KCNAB1: variants seen among roughly 807,000 people sequenced by gnomAD.
KCNAB1 encodes potassium voltage-gated channel subfamily A regulatory beta subunit 1, also known as voltage-gated potassium channel subunit beta-1.
A neutral mutation model predicts 64.6 loss-of-function variants in KCNAB1; 35 were observed. That is an observed-to-expected ratio of 0.54 (90% confidence interval 0.41 to 0.72). The LOEUF (loss-of-function observed/expected upper bound fraction) is 0.72, where lower values mean the gene tolerates loss of function less well. Among genes scored for constraint, KCNAB1 ranks in the 30% least tolerant of loss-of-function variants. The probability of loss-of-function intolerance (pLI) is 0.00; values close to 1 mark genes in which losing one functional copy is unlikely to be tolerated. For missense variants in KCNAB1, 401 were observed against 512.9 expected (o/e 0.78, Z 2.11); for synonymous variants, 177 against 183.8 (o/e 0.96, Z 0.30).
chr3:156,233,461 G>A (rs1253883180), intron 1 of KCNAB1, among the ~76,000 whole-genome samples: 1 of 152,184 alleles, frequency 6.6e-6, no homozygotes, highest in Non-Finnish European at 1.5e-5. Flanking sequence ...GGGTGAGGCT[G>A]GAGGGAGAGG....
intron 1 of KCNAB1, among the ~76,000 whole-genome samples, chr3:156,128,645 T>G: frequency 6.6e-6 from 1 of 152,202 alleles, no homozygotes; most frequent in East Asian, 1.9e-4. Flanking sequence ...ATGTGCCTGA[T>G]CATCTAGGCC....
At chr3:156,233,379 T>C (rs552972504) in intron 1 of KCNAB1, among the ~76,000 whole-genome samples, 1 of 151,842 alleles carries the variant, frequency 6.6e-6, no homozygotes, top group East Asian at 1.9e-4. Flanking sequence ...CCAAAGGAGA[T>C]AGGAAACAAG....
chr3:156,356,436 C>G (rs1725247481), intron 1 of KCNAB1, among the ~76,000 whole-genome samples: 1 of 151,728 alleles, frequency 6.6e-6, no homozygotes, highest in Admixed American at 6.6e-5. Context: ...TCTTTGACCT[C>G]TACGGGGGCA....
In KCNAB1 at chr3:156,328,287, C is replaced by A. The variant is rs78603141; in HGVS notation, c.276-93329C>A. Among the ~76,000 whole-genome samples, 838 of 152,156 alleles carry A rather than the reference C, an allele frequency of 5.5e-3. 10 individuals carry two copies. The highest frequency in any genetic ancestry group is 0.019 in the African/African-American group (801 of 41,500). ...AAGAGTTTGGGCTCTATTCTACAGG[C>A]CGTGATGAGCTGTGAAATGTTTTTG... On this transcript the variant is annotated intron_variant, in intron 1 of 13. Transcript: ENST00000490337.
chr3:156,191,622 T>TA (rs1257629495), intron 1 of KCNAB1, among the ~76,000 whole-genome samples: 1 of 152,336 alleles, frequency 6.6e-6, no homozygotes, highest in Non-Finnish European at 1.5e-5. Flanking sequence ...CCCGGGTTCT[T>TA]ACAGCTATTG....
chr3:156,394,690 T>C (rs1713297593), intron 1 of KCNAB1, among the ~76,000 whole-genome samples: 1 of 152,224 alleles, frequency 6.6e-6, no homozygotes, highest in Non-Finnish European at 1.5e-5. Context: ...CATGTTACCC[T>C]CAGCACATGT....
intron 1 of KCNAB1, among the ~76,000 whole-genome samples, chr3:156,166,820 C>T (rs1711601047): frequency 6.6e-6 from 1 of 152,166 alleles, no homozygotes; most frequent in South Asian, 2.1e-4. Flanking sequence ...ATTTAAGCAT[C>T]TCCCCTTCTA....
At chr3:156,390,728 G>A (rs1343281228) in intron 1 of KCNAB1, among the ~76,000 whole-genome samples, 2 of 151,652 alleles carry the variant, frequency 1.3e-5, no homozygotes, top group Non-Finnish European at 2.9e-5. Flanking sequence ...GACTACAGGC[G>A]CCTGCTACCA....
intron 1 of KCNAB1, among the ~76,000 whole-genome samples, chr3:156,143,583 T>TTTTTTTTG (rs1714857784): frequency 7.1e-6 from 1 of 141,206 alleles, no homozygotes; most frequent in African/African-American, 2.6e-5. Context: ...TTTTTTTTTT[T>TTTTTTTTG]TTTTTTTTTT....
At chr3:156,240,171 A>G (rs962062052) in intron 1 of KCNAB1, among the ~76,000 whole-genome samples, 1 of 152,248 alleles carries the variant, frequency 6.6e-6, no homozygotes, top group African/African-American at 2.4e-5. Flanking sequence ...CTTGGGGTTA[A>G]GGAGTTACAG....
At chr3:156,449,547 A>G (rs190864791) in intron 2 of KCNAB1, among the ~76,000 whole-genome samples, 112 of 152,356 alleles carry the variant, frequency 7.4e-4, no homozygotes, top group Middle Eastern at 6.8e-3. Context: ...CCGTTTTTGC[A>G]TTACAGTTTG....
At chr3:156,162,665 G>T (rs953313374) in intron 1 of KCNAB1, among the ~76,000 whole-genome samples, 9 of 152,082 alleles carry the variant, frequency 5.9e-5, no homozygotes, top group African/African-American at 2.2e-4. Flanking sequence ...TGAAAGTGAG[G>T]CGATTTGCCA....
chr3:156,118,915 G>A (rs929079498), upstream of KCNAB1, among the ~76,000 whole-genome samples: 1 of 152,258 alleles, frequency 6.6e-6, no homozygotes, highest in African/African-American at 2.4e-5. Context: ...AGCAAAGAGA[G>A]TAGTTGAAGA....
intron 1 of KCNAB1, among the ~76,000 whole-genome samples, chr3:156,406,626 C>T (rs1714266089): frequency 6.6e-6 from 1 of 152,342 alleles, no homozygotes; most frequent in Non-Finnish European, 1.5e-5. Flanking sequence ...TCTCCCCTTT[C>T]TTTCCCCACC....
At chr3:156,331,661 G>A (rs1404059738) in intron 1 of KCNAB1, among the ~76,000 whole-genome samples, 2 of 151,684 alleles carry the variant, frequency 1.3e-5, no homozygotes, top group Non-Finnish European at 2.9e-5. Context: ...ATGAAACCCT[G>A]ATAATAGCAG....
rs536269234 is a variant in KCNAB1, at chr3:156,283,138, G to T, written c.276-138478G>T. On this transcript the variant is annotated intron_variant, in intron 1 of 13. Coordinates refer to ENST00000490337, the MANE Select transcript of KCNAB1 (RefSeq NM_172160.3). The stretch of plus-strand genomic sequence containing the variant: ...CTTTCCATGTTTAGTGCTTCCTTCA[G>T]GAGCTCTTGTAAGGCAGGCCTGGTG... Among the ~76,000 whole-genome samples, 541 of 151,946 alleles carry T rather than the reference G, an allele frequency of 3.6e-3. 2 individuals carry two copies. The highest frequency in any genetic ancestry group is 0.013 in the African/African-American group (518 of 41,362).
At chr3:156,240,238 A>G (rs1050351047) in intron 1 of KCNAB1, among the ~76,000 whole-genome samples, 3 of 152,176 alleles carry the variant, frequency 2.0e-5, no homozygotes, top group African/African-American at 4.8e-5. Flanking sequence ...TTTCTAAGCG[A>G]TATGGCCTCC....
chr3:156,208,744 T>C (rs1014176227), intron 1 of KCNAB1, among the ~76,000 whole-genome samples: 10 of 152,218 alleles, frequency 6.6e-5, no homozygotes, highest in Admixed American at 6.5e-4. Flanking sequence ...CCTGACTGCT[T>C]GCCCTGGTAT....
intron 8 of KCNAB1, among the ~76,000 whole-genome samples, chr3:156,503,409 C>T (rs1255472685): frequency 6.6e-6 from 1 of 152,166 alleles, no homozygotes; most frequent in Non-Finnish European, 1.5e-5. Context: ...GTAAGATGAA[C>T]AACTGCTGTC....
Sources: gnomAD v4.1 joint callset for allele counts (sites outside exome capture counted in the v4.1 genomes callset) on GRCh38, gnomAD v4.1.1 for gene constraint, MANE v1.5 for transcripts, NCBI Gene and HGNC (gene_info 2026-07-23, HGNC 2026-07-21) for gene names.